The following ATP2A1 variants were observed in gnomAD, a reference collection of about 807,000 sequenced individuals.
ATP2A1 encodes the protein ATPase sarcoplasmic/endoplasmic reticulum Ca2+ transporting 1.
ATP2A1 carries 83 observed loss-of-function variants against 109.5 expected under a neutral mutation model. The observed-to-expected ratio is 0.76, with a 90% CI of 0.63 to 0.91. ATP2A1 has a LOEUF of 0.91. ATP2A1 is among the 40% of genes least tolerant of loss of function. The pLI is 0.00. For synonymous variants in ATP2A1, 505 were observed against 537.6 expected (o/e 0.94, Z 0.84); for missense variants, 1,101 against 1,341.0 (o/e 0.82, Z 2.80).
chr16:28,899,658 C>G (rs993275069), intron 14 of ATP2A1, among the ~76,000 whole-genome samples: 1 of 95,382 alleles, frequency 1.0e-5, no homozygotes, highest in Admixed American at 1.1e-4. Context: ...CCCCCCCCCC[C>G]CCGAAAAAGA....
At chr16:28,881,569 G>A (rs1963482063) in intron 4 of ATP2A1, 1 of 196,084 alleles carries the variant, frequency 5.1e-6, no homozygotes, top group Admixed American at 5.3e-5. Context: ...GGGAGGCCGA[G>A]GCGGGTGGAT....
chr16:28,897,563 C>T (rs529324653), intron 12 of ATP2A1, among the ~76,000 whole-genome samples: 2 of 152,052 alleles, frequency 1.3e-5, no homozygotes, highest in South Asian at 4.2e-4. Flanking sequence ...TTTTCTGAGA[C>T]GGAGTCTCGC....
rs1391265646 is a variant in ATP2A1, at chr16:28,903,021, C to T, written c.2745-9C>T. ...CACTGTGCCTTCTCCCTCCCCTTCC[C>T]CTCTGCAGCCTGTCCGAGAACCAGT... On this transcript the variant is annotated splice_polypyrimidine_tract_variant and intron_variant, in intron 19 of 22. Coordinates refer to ENST00000395503, the MANE Select transcript of ATP2A1 (RefSeq NM_004320.6). This position sits in a 1 kb window ranked among gnomAD's most constrained non-coding sequence, Gnocchi z 5.6. 1 of 1,613,846 alleles carries T rather than the reference C, an allele frequency of 6.2e-7. No homozygotes were observed. The highest frequency in any genetic ancestry group is 1.3e-5 in the African/African-American group (1 of 75,052).
At position 28,904,318 on chromosome 16, in the gene ATP2A1, A is replaced by G. The variant is rs979521339; in HGVS notation, c.*176A>G. The stretch of plus-strand genomic sequence containing the variant: ...CCGTGTCATGTGTCTGTTTATAAAC[A>G]TGTCCCCTTCCCTTTCCTTCCCCCT... On this transcript the variant is annotated 3_prime_UTR_variant, in exon 23 of 23. Coordinates refer to ENST00000395503, the MANE Select transcript of ATP2A1 (RefSeq NM_004320.6). 12 of 1,596,832 alleles carry G rather than the reference A, an allele frequency of 7.5e-6. No homozygotes were observed. Among genetic ancestry groups the G allele is most frequent in the Non-Finnish European group, 8.5e-6 (10 of 1,174,072 alleles).
Position 28,903,348 on chromosome 16 carries a change from A to T in ATP2A1, c.2888A>T (p.Asp963Val). 6.2e-7 allele frequency: 1 copy of T among 1,613,520 alleles called. No individual in the cohort carries two copies. Among genetic ancestry groups the T allele is most frequent in the Admixed American group, 1.7e-5 (1 of 59,972 alleles). ...LPMIFKLRAL[D>V]LTQWLMVLKI... ...ATGATCTTCAAGCTCCGGGCCCTGG[A>T]CCTCACCCAGTGGCTCATGGTCCTC... Residue 963 changes from aspartate (D) to valine (V), a missense_variant, in exon 21 of 23, where the codon GAC becomes GTC. Asp to Val is a radical substitution (Grantham distance 152). Coordinates refer to ENST00000395503, the MANE Select transcript of ATP2A1 (RefSeq NM_004320.6). The surrounding 1 kb of genome is among the most constrained non-coding windows in gnomAD (Gnocchi z 5.6).
Position 28,894,867 on chromosome 16 carries a change from C to T in ATP2A1, c.1333C>T (p.Leu445Phe). The change falls in exon 12 of 23, where the codon CTC becomes TTC. Residue 445 changes from leucine to phenylalanine, a missense_variant. Coordinates refer to ENST00000395503, the MANE Select transcript of ATP2A1 (RefSeq NM_004320.6). ...GGTCGGCGAGGCCACCGAGACAGCA[C>T]TCACCACCCTGGTGGAGAAGATGAA... ...EKVGEATETA[L>F]TTLVEKMNVF... 6.2e-7 allele frequency: 1 copy of T among 1,612,252 alleles called. No individual in the cohort carries two copies. Among genetic ancestry groups the T allele is most frequent in the Non-Finnish European group, 8.5e-7 (1 of 1,180,000 alleles).
At position 28,902,763 on chromosome 16, in the gene ATP2A1, G is replaced by C; in HGVS notation, c.2611-15G>C. 6 of 1,613,918 alleles carry C rather than the reference G, an allele frequency of 3.7e-6. No homozygotes were observed. The highest frequency in any genetic ancestry group is 5.1e-6 in the Non-Finnish European group (6 of 1,179,936). ...AGGTGGCCCTGGACCTCAGTCTCCC[G>C]TACCTTCCCTGCAGACTCACTTCAT... is the stretch of plus-strand genomic sequence containing the variant. On this transcript the variant is annotated splice_polypyrimidine_tract_variant and intron_variant, in intron 18 of 22. Transcript: ENST00000395503. This position sits in a 1 kb window ranked among gnomAD's most constrained non-coding sequence, Gnocchi z 4.8.
At position 28,878,549 on chromosome 16, in the gene ATP2A1, G is replaced by T. The variant is rs1414348771; in HGVS notation, c.-123G>T. 4.7e-6 allele frequency: 4 copies of T among 858,870 alleles called. No homozygotes were observed. Among genetic ancestry groups the T allele is most frequent in the South Asian group, 4.3e-5 (3 of 69,928 alleles). The allele number at this position is 858,870 out of a possible 1,614,324, so 53.2% of individuals were successfully genotyped here. On this transcript the variant is annotated 5_prime_UTR_variant, in exon 1 of 23. Transcript: ENST00000395503. ...GTGGAGGGAAGAAAAACCTGGAGGGGGCAGGAGAGTAAAAAGAAGAAACCC... is the reference window on the plus strand; with the variant it reads ...GTGGAGGGAAGAAAAACCTGGAGGGTGCAGGAGAGTAAAAAGAAGAAACCC...
chr16:28,900,504 C>T (rs935996224), intron 14 of ATP2A1, 77 bp from the exon 15 acceptor site: 5 of 1,367,828 alleles, frequency 3.7e-6, no homozygotes, highest in African/African-American at 1.5e-5. Context: ...CACCCCATCC[C>T]CACCCCCCAC....
intron 8 of ATP2A1, 45 bp downstream of exon 8, chr16:28,887,767 G>T: frequency 6.3e-7 from 1 of 1,598,560 alleles, no homozygotes; most frequent in East Asian, 2.2e-5. Context: ...AATCCCATCT[G>T]CAAAGACCCC....
chr16:28,896,786 T>C (rs1963930536), intron 12 of ATP2A1, among the ~76,000 whole-genome samples: 1 of 150,060 alleles, frequency 6.7e-6, no homozygotes, highest in African/African-American at 2.5e-5. Flanking sequence ...GGTGTGATCC[T>C]GGGTTCAAGT....
intron 9 of ATP2A1, among the ~76,000 whole-genome samples, chr16:28,892,006 G>A (rs1423779438): frequency 6.6e-6 from 1 of 152,140 alleles, no homozygotes; most frequent in African/African-American, 2.4e-5. Context: ...AAACAACTTT[G>A]TAATTTGGCA....
At position 28,898,046 on chromosome 16, in the gene ATP2A1, G is replaced by A. The variant is rs868448815; in HGVS notation, c.1466G>A (p.Arg489Gln). 2.5e-5 allele frequency: 41 copies of A among 1,613,990 alleles called. No individual in the cohort carries two copies. The highest frequency in any genetic ancestry group is 2.2e-5 in the East Asian group (1 of 44,902). ...MKKEFTLEFS[R>Q]DRKSMSVYCS... is the part of the protein sequence containing the mutation. Reference sequence around the variant, plus strand: ...AAGGAATTCACCCTGGAGTTCTCCCGAGACAGAAAGTCCATGTCTGTCTAT... The same window carrying A: ...AAGGAATTCACCCTGGAGTTCTCCCAAGACAGAAAGTCCATGTCTGTCTAT... Residue 489 changes from arginine to glutamine, a missense_variant, in exon 13 of 23, where the codon CGA (arginine) becomes CAA (glutamine). Arg to Gln is a conservative substitution (Grantham distance 43, BLOSUM62 1). Transcript: ENST00000395503. The surrounding 1 kb of genome is among the most constrained non-coding windows in gnomAD (Gnocchi z 4.0).
chr16:28,901,565 G>A (rs554954065), intron 15 of ATP2A1, among the ~76,000 whole-genome samples: 7 of 152,118 alleles, frequency 4.6e-5, no homozygotes, highest in South Asian at 4.2e-4. Context: ...CCTGGGAGGC[G>A]GAGGTTGCAG....
At chr16:28,881,405 G>GTGTGTTTTGT (rs1963475109) in intron 4 of ATP2A1, 1 of 304,142 alleles carries the variant, frequency 3.3e-6, no homozygotes, top group South Asian at 3.4e-5. Context: ...CTGCTTCCTG[G>GTGTGTTTTGT]TTTGTTTTGT....
At chr16:28,900,544 C>A in intron 14 of ATP2A1, 37 bp from the exon 15 acceptor site, 2 of 1,520,758 alleles carry the variant, frequency 1.3e-6, no homozygotes, top group Non-Finnish European at 1.8e-6. Context: ...TTTCCAGATC[C>A]CCACCTGACC....
Position 28,883,018 on chromosome 16 carries a change from G to A in ATP2A1, c.463+429G>A, listed in dbSNP as rs1486936387. The stretch of plus-strand genomic sequence containing the variant: ...GGGGAAGGAGCGAGGGCAGAAGGGA[G>A]GAGGGAGGCCGAAGGCTCGAGCCCC... On this transcript the variant is annotated intron_variant, in intron 5 of 22. Transcript: ENST00000395503. This position sits in a 1 kb window ranked among gnomAD's most constrained non-coding sequence, Gnocchi z 5.2. Among the ~76,000 whole-genome samples the A allele has an allele frequency of 1.3e-5, 2 of 152,236 alleles. No homozygotes were observed. Among genetic ancestry groups the A allele is most frequent in the Non-Finnish European group, 2.9e-5 (2 of 68,028 alleles).
chr16:28,897,156 T>G (rs991950705), intron 12 of ATP2A1, among the ~76,000 whole-genome samples: 1 of 152,156 alleles, frequency 6.6e-6, no homozygotes, highest in African/African-American at 2.4e-5. Context: ...AATTGCTCAG[T>G]TGCACCAATT....
chr16:28,889,078 A>C, intron 9 of ATP2A1, 125 bp downstream of exon 9: 1 of 1,375,486 alleles, frequency 7.3e-7, no homozygotes, highest in Non-Finnish European at 1.0e-6. Flanking sequence ...AAAATGCTCA[A>C]AGGGCAGTAG....
Sources: allele counts gnomAD v4.1 joint callset (sites outside exome capture counted in the v4.1 genomes callset), GRCh38; gene constraint gnomAD v4.1.1; non-coding constraint Gnocchi (gnomAD v3.1); transcripts MANE v1.5; gene names NCBI Gene and HGNC (gene_info 2026-07-23, HGNC 2026-07-21).